Variants in NCKAP5 observed in about 807,000 individuals in gnomAD.
NCKAP5 encodes the protein nck-associated protein 5.
In NCKAP5, 92 loss-of-function variants were observed where a neutral mutation model predicts 167.0. The observed-to-expected ratio is 0.55, with a 90% confidence interval of 0.47 to 0.66. The LOEUF (loss-of-function observed/expected upper bound fraction) is 0.66. Among genes scored for constraint, NCKAP5 ranks in the 30% least tolerant of loss-of-function variants. The probability of loss-of-function intolerance (pLI) is 0.00; values close to 1 mark genes in which losing one functional copy is unlikely to be tolerated. For missense variants in NCKAP5, 2,378 were observed against 2,315.0 expected (o/e 1.03, Z -0.56); for synonymous variants, 891 against 877.4 (o/e 1.02, Z -0.27).
intron 11 of NCKAP5, among the ~76,000 whole-genome samples, chr2:132,826,225 T>C (rs1654610471): frequency 6.6e-6 from 1 of 152,224 alleles, no homozygotes; most frequent in African/African-American, 2.4e-5. Flanking sequence ...CATTAATAAT[T>C]ATTATACTAA....
At chr2:133,513,736 T>C (rs1218275351) in intron 3 of NCKAP5, among the ~76,000 whole-genome samples, 2 of 152,196 alleles carry the variant, frequency 1.3e-5, no homozygotes, top group African/African-American at 4.8e-5. Context: ...AGTGTGGCAG[T>C]GTGGCAAACG....
At chr2:132,777,927 G>T (rs995624098) in intron 15 of NCKAP5, among the ~76,000 whole-genome samples, 2 of 151,778 alleles carry the variant, frequency 1.3e-5, no homozygotes, top group African/African-American at 4.8e-5. Flanking sequence ...TACTAAAATG[G>T]TCATATTAAA....
intron 8 of NCKAP5, among the ~76,000 whole-genome samples, chr2:132,931,905 C>T (rs1696408824): frequency 6.6e-6 from 1 of 152,128 alleles, no homozygotes; most frequent in Admixed American, 6.5e-5. Flanking sequence ...AGACATGTTA[C>T]ACTTGATAAT....
At chr2:133,533,088 AC>A (rs1448045183) in intron 2 of NCKAP5, among the ~76,000 whole-genome samples, 1 of 152,206 alleles carries the variant, frequency 6.6e-6, no homozygotes, top group Non-Finnish European at 1.5e-5. Flanking sequence ...TTAAAGAAGT[AC>A]CTTATGGGGA....
intron 5 of NCKAP5, among the ~76,000 whole-genome samples, chr2:133,133,035 AT>A (rs939217684): frequency 6.6e-6 from 1 of 151,902 alleles, no homozygotes; most frequent in Non-Finnish European, 1.5e-5. Flanking sequence ...TAGATTGGCT[AT>A]TTTTTTTCTG....
At chr2:133,196,374 C>G (rs1335576370) in intron 5 of NCKAP5, among the ~76,000 whole-genome samples, 1 of 152,134 alleles carries the variant, frequency 6.6e-6, no homozygotes, top group Non-Finnish European at 1.5e-5. Context: ...GAGAATTACC[C>G]TCAGGAGCCA....
Position 133,498,284 on chromosome 2 carries a change from C to T in NCKAP5, c.69+19174G>A, listed in dbSNP as rs569272987. Reference sequence around the variant, plus strand: ...CTGCTGCAAAAGGCTGGGGAGGGGACCCAGACATGTTCCTGGATTCCTTTC... The same window carrying T: ...CTGCTGCAAAAGGCTGGGGAGGGGATCCAGACATGTTCCTGGATTCCTTTC... On this transcript the variant is annotated intron_variant, in intron 3 of 19. Coordinates refer to ENST00000409261, the MANE Select transcript of NCKAP5 (RefSeq NM_207363.3). Among the ~76,000 whole-genome samples, 25 of 152,130 alleles carry T rather than the reference C, an allele frequency of 1.6e-4. 1 individual carries two copies. Among genetic ancestry groups the T allele is most frequent in the African/African-American group, 6.0e-4 (25 of 41,500 alleles).
chr2:133,509,581 T>G (rs1410226907), intron 3 of NCKAP5, among the ~76,000 whole-genome samples: 1 of 152,230 alleles, frequency 6.6e-6, no homozygotes, highest in Non-Finnish European at 1.5e-5. Flanking sequence ...TTTCTATGTG[T>G]CAGACTTTAG....
chr2:132,710,564 A>G (rs1688744055), intron 19 of NCKAP5, among the ~76,000 whole-genome samples: 1 of 152,228 alleles, frequency 6.6e-6, no homozygotes, highest in African/African-American at 2.4e-5. Flanking sequence ...TCAGAAGCAT[A>G]GCACATTTGA....
At chr2:133,633,750 G>C in the NCKAP5 span, among the ~76,000 whole-genome samples, 1 of 152,176 alleles carries the variant, frequency 6.6e-6, no homozygotes, top group Non-Finnish European at 1.5e-5. Flanking sequence ...AGGGCTGAGG[G>C]GGATTTGAAC....
intron 6 of NCKAP5, among the ~76,000 whole-genome samples, chr2:133,104,527 C>T (rs16848001): frequency 0.1 from 15,225 of 152,228 alleles, 1,217 homozygotes; most frequent in African/African-American, 0.22. Context: ...CATCAGTAGT[C>T]TGCAAAAGGC....
intron 3 of NCKAP5, among the ~76,000 whole-genome samples, chr2:133,461,658 CAA>C (rs1299837765): frequency 6.6e-6 from 1 of 152,158 alleles, no homozygotes; most frequent in Non-Finnish European, 1.5e-5. Flanking sequence ...TGTGAAGAGA[CAA>C]GAGGGTGCAT....
At chr2:133,120,292 G>A (rs2082210867) in intron 6 of NCKAP5, among the ~76,000 whole-genome samples, 1 of 152,162 alleles carries the variant, frequency 6.6e-6, no homozygotes. Context: ...GAGGCTGTTT[G>A]TTAGCAACAG....
intron 7 of NCKAP5, among the ~76,000 whole-genome samples, chr2:132,967,739 T>C (rs2076714693): frequency 6.6e-6 from 1 of 152,204 alleles, no homozygotes; most frequent in Non-Finnish European, 1.5e-5. Context: ...AGTTCCTATA[T>C]TCCATGAAAT....
At chr2:133,113,545 G>A (rs1170117088) in intron 6 of NCKAP5, among the ~76,000 whole-genome samples, 7 of 152,200 alleles carry the variant, frequency 4.6e-5, no homozygotes, top group Admixed American at 4.6e-4. Flanking sequence ...GCCTCCTCTA[G>A]CCATCCCCTT....
intron 4 of NCKAP5, among the ~76,000 whole-genome samples, chr2:133,240,592 G>A (rs561511087): frequency 1.3e-5 from 2 of 152,302 alleles, no homozygotes; most frequent in Admixed American, 1.3e-4. Flanking sequence ...CTAATTTCAT[G>A]TGGAAATGAA....
intron 3 of NCKAP5, among the ~76,000 whole-genome samples, chr2:133,444,951 G>A (rs1455330846): frequency 6.6e-6 from 1 of 152,174 alleles, no homozygotes; most frequent in Non-Finnish European, 1.5e-5. Context: ...AAGATCTGAA[G>A]AGGCCAGAAT....
intron 7 of NCKAP5, among the ~76,000 whole-genome samples, chr2:132,991,422 T>G (rs1172679307): frequency 6.6e-6 from 1 of 152,214 alleles, no homozygotes; most frequent in African/African-American, 2.4e-5. Context: ...GATTACCACA[T>G]AGTGGGACCG....
At chr2:132,883,272 C>T (rs2148830127) in intron 8 of NCKAP5, among the ~76,000 whole-genome samples, 1 of 151,582 alleles carries the variant, frequency 6.6e-6, no homozygotes, top group Middle Eastern at 3.4e-3. Context: ...CCTCCTATTA[C>T]ATATCCAACA....
Sources: allele counts gnomAD v4.1 joint callset (sites outside exome capture counted in the v4.1 genomes callset), GRCh38; gene constraint gnomAD v4.1.1; transcripts MANE v1.5; gene names NCBI Gene and HGNC (gene_info 2026-07-23, HGNC 2026-07-21).